WDR70: variants seen among roughly 807,000 people sequenced by gnomAD.
WDR70 encodes the protein WD repeat-containing protein 70.
Under a neutral mutation model 88.6 loss-of-function variants are expected in WDR70, and 53 were observed. That is an observed-to-expected ratio of 0.60 (90% CI 0.48 to 0.75). The LOEUF (loss-of-function observed/expected upper bound fraction) is 0.75, where lower values mean the gene tolerates loss of function less well. Ranked by LOEUF, WDR70 falls within the 30% of genes least tolerant of loss-of-function variation. The probability of loss-of-function intolerance (pLI) is 0.00; values close to 1 mark genes in which losing one functional copy is unlikely to be tolerated. For missense variants in WDR70, 610 were observed against 823.2 expected (o/e 0.74, Z 3.17); for synonymous variants, 280 against 270.0 (o/e 1.04, Z -0.36).
At chr5:37,598,231 GAT>G (rs1355983166) in intron 9 of WDR70, among the ~76,000 whole-genome samples, 1 of 145,778 alleles carries the variant, frequency 6.9e-6, no homozygotes, top group Non-Finnish European at 1.5e-5. Context: ...TATAAATTAT[GAT>G]AGTTTTTTTA....
intron 7 of WDR70, among the ~76,000 whole-genome samples, chr5:37,478,771 A>G (rs950026542): frequency 1.3e-5 from 2 of 152,162 alleles, no homozygotes; most frequent in African/African-American, 4.8e-5. Flanking sequence ...GGGAGTTGCA[A>G]CTCAGGGAAA....
At chr5:37,567,412 T>G (rs904190942) in intron 9 of WDR70, among the ~76,000 whole-genome samples, 3 of 152,226 alleles carry the variant, frequency 2.0e-5, no homozygotes, top group Non-Finnish European at 2.9e-5. Flanking sequence ...GATGCTCTTA[T>G]GTAAAATTAA....
intron 9 of WDR70, among the ~76,000 whole-genome samples, chr5:37,558,728 T>A (rs753058141): frequency 6.6e-6 from 1 of 152,150 alleles, no homozygotes; most frequent in Non-Finnish European, 1.5e-5. Context: ...GCCATCTGTA[T>A]TATTTATATA....
intron 5 of WDR70, among the ~76,000 whole-genome samples, chr5:37,425,518 C>T (rs1349191639): frequency 2.0e-5 from 3 of 152,108 alleles, no homozygotes; most frequent in African/African-American, 7.2e-5. Context: ...CAGTAATGTG[C>T]CTGGCACGTT....
At chr5:37,642,423 A>G (rs1378138806) in intron 10 of WDR70, among the ~76,000 whole-genome samples, 2 of 152,196 alleles carry the variant, frequency 1.3e-5, no homozygotes, top group Non-Finnish European at 2.9e-5. Flanking sequence ...TCATGGGTAC[A>G]TAGTAGGTGT....
chr5:37,503,010 T>C (rs1417308097), intron 8 of WDR70, among the ~76,000 whole-genome samples: 1 of 152,128 alleles, frequency 6.6e-6, no homozygotes, highest in African/African-American at 2.4e-5. Context: ...ATATCACATA[T>C]ATTGAACCAT....
chr5:37,412,137 A>G (rs914330010), intron 5 of WDR70, among the ~76,000 whole-genome samples: 5 of 152,174 alleles, frequency 3.3e-5, no homozygotes, highest in African/African-American at 1.2e-4. Context: ...CTGTAATCCC[A>G]GCACTTTGGG....
intron 13 of WDR70, among the ~76,000 whole-genome samples, chr5:37,709,399 CAT>C (rs1747447879): frequency 1.3e-5 from 2 of 152,134 alleles, no homozygotes; most frequent in Admixed American, 6.5e-5. Flanking sequence ...GCCTGAGTAA[CAT>C]ATTTGTATTT....
At chr5:37,549,655 A>G (rs183774569) in intron 9 of WDR70, among the ~76,000 whole-genome samples, 1 of 152,276 alleles carries the variant, frequency 6.6e-6, no homozygotes, top group Non-Finnish European at 1.5e-5. Context: ...ATCACTAGCT[A>G]GGACTTCCAG....
chr5:37,623,507 A>G (rs183377952), intron 10 of WDR70, among the ~76,000 whole-genome samples: 1 of 152,290 alleles, frequency 6.6e-6, no homozygotes, highest in East Asian at 1.9e-4. Context: ...TAGAATATAA[A>G]GCTGATAATA....
chr5:37,392,247 G>C, intron 4 of WDR70, 127 bp downstream of exon 4: 4 of 1,069,558 alleles, frequency 3.7e-6, no homozygotes, highest in Non-Finnish European at 5.2e-6. Context: ...GCAGTGGCGT[G>C]ATCTTGGCTG....
intron 5 of WDR70, among the ~76,000 whole-genome samples, chr5:37,431,398 A>C (rs1423765593): frequency 6.7e-6 from 1 of 150,228 alleles, no homozygotes; most frequent in Admixed American, 6.6e-5. Flanking sequence ...TCTTTTTTCC[A>C]TTCCCACTGT....
chr5:37,474,340 A>C (rs1316467693), intron 7 of WDR70, among the ~76,000 whole-genome samples: 1 of 152,162 alleles, frequency 6.6e-6, no homozygotes, highest in East Asian at 1.9e-4. Flanking sequence ...TTGTGGTTCT[A>C]ATCTTCTCTA....
chr5:37,560,069 AT>A (rs920958493), intron 9 of WDR70, among the ~76,000 whole-genome samples: 1 of 152,138 alleles, frequency 6.6e-6, no homozygotes. Context: ...GCAGAATAAA[AT>A]TTTGATATTT....
intron 9 of WDR70, among the ~76,000 whole-genome samples, chr5:37,558,634 T>C (rs1742387921): frequency 1.3e-5 from 2 of 152,096 alleles, no homozygotes; most frequent in Non-Finnish European, 2.9e-5. Flanking sequence ...CCCACGTTGA[T>C]TCTTTAAAAC....
At chr5:37,487,555 T>A (rs1739912298) in intron 8 of WDR70, among the ~76,000 whole-genome samples, 1 of 148,184 alleles carries the variant, frequency 6.7e-6, no homozygotes, top group East Asian at 1.9e-4. Flanking sequence ...ATTAAATTTG[T>A]ATCTATATTC....
chr5:37,497,296 C>T (rs953079028), intron 8 of WDR70, among the ~76,000 whole-genome samples: 10 of 147,774 alleles, frequency 6.8e-5, no homozygotes, highest in African/African-American at 2.3e-4. Context: ...TTTCCCTTCC[C>T]TTCTCCCTTC....
chr5:37,428,658 T>C (rs904149281), intron 5 of WDR70, among the ~76,000 whole-genome samples: 1 of 152,236 alleles, frequency 6.6e-6, no homozygotes, highest in African/African-American at 2.4e-5. Context: ...CCATAGATTA[T>C]TCATCTTTTG....
At chr5:37,665,380 T>G (rs1745805892) in intron 10 of WDR70, among the ~76,000 whole-genome samples, 1 of 152,194 alleles carries the variant, frequency 6.6e-6, no homozygotes, top group Non-Finnish European at 1.5e-5. Context: ...CACTATTCCC[T>G]ACTCCAAGCA....
Sources: gnomAD v4.1 joint callset for allele counts (sites outside exome capture counted in the v4.1 genomes callset) on GRCh38, gnomAD v4.1.1 for gene constraint, MANE v1.5 for transcripts, NCBI Gene and HGNC (gene_info 2026-07-23, HGNC 2026-07-21) for gene names.